The following PRKG1 variants were observed in gnomAD, a reference collection of about 807,000 sequenced individuals.
PRKG1 encodes protein kinase cGMP-dependent 1, also known as cGMP-dependent protein kinase 1.
Under a neutral mutation model 88.1 loss-of-function variants are expected in PRKG1, and 35 were observed. The ratio of observed to expected loss-of-function variants is 0.40; its 90% CI spans 0.30 to 0.53. The LOEUF (loss-of-function observed/expected upper bound fraction) is 0.53, where lower values mean the gene tolerates loss of function less well. Among genes scored for constraint, PRKG1 ranks in the 20% least tolerant of loss-of-function variants. The probability of loss-of-function intolerance (pLI) is 0.59; values close to 1 mark genes in which losing one functional copy is unlikely to be tolerated. For synonymous variants in PRKG1, 303 were observed against 292.5 expected (o/e 1.04, Z -0.37); for missense variants, 540 against 839.8 (o/e 0.64, Z 4.41).
chr10:51,118,599 C>T (rs776707799), intron 1 of PRKG1, among the ~76,000 whole-genome samples: 17 of 152,112 alleles, frequency 1.1e-4, no homozygotes, highest in Non-Finnish European at 2.1e-4. Flanking sequence ...TACACTAACA[C>T]CATGAGATAG....
chr10:51,673,320 G>A (rs1840630102), intron 3 of PRKG1, among the ~76,000 whole-genome samples: 1 of 152,182 alleles, frequency 6.6e-6, no homozygotes, highest in Admixed American at 6.5e-5. Flanking sequence ...AGCCGGGAAA[G>A]GCCAACATGA....
chr10:52,172,076 A>G (rs1202682995), intron 9 of PRKG1, among the ~76,000 whole-genome samples: 1 of 152,112 alleles, frequency 6.6e-6, no homozygotes, highest in Non-Finnish European at 1.5e-5. Flanking sequence ...TGCTGGGATT[A>G]CAGGCGTGAG....
intron 1 of PRKG1, among the ~76,000 whole-genome samples, chr10:51,023,380 T>C (rs1440277381): frequency 3.3e-5 from 5 of 152,214 alleles, no homozygotes; most frequent in Non-Finnish European, 7.3e-5. Context: ...ACAACCCTTA[T>C]GTAAGAGCAT....
chr10:51,394,542 C>T (rs1304968101), intron 2 of PRKG1, among the ~76,000 whole-genome samples: 1 of 152,220 alleles, frequency 6.6e-6, no homozygotes, highest in Non-Finnish European at 1.5e-5. Flanking sequence ...GGGGAATAAA[C>T]TCCAACTCCC....
intron 2 of PRKG1, among the ~76,000 whole-genome samples, chr10:51,373,539 C>T (rs1842745971): frequency 6.6e-6 from 1 of 152,096 alleles, no homozygotes; most frequent in South Asian, 2.1e-4. Flanking sequence ...CAGCCTGTTA[C>T]CTAGATATTA....
intron 6 of PRKG1, among the ~76,000 whole-genome samples, chr10:52,055,187 T>C (rs1301670541): frequency 6.6e-6 from 1 of 152,174 alleles, no homozygotes; most frequent in African/African-American, 2.4e-5. Context: ...CATCAAGTCA[T>C]TAGAAGCAGT....
chr10:51,523,784 A>T (rs1841800208), intron 3 of PRKG1, among the ~76,000 whole-genome samples: 1 of 152,200 alleles, frequency 6.6e-6, no homozygotes, highest in Non-Finnish European at 1.5e-5. Flanking sequence ...TGGAAAATAA[A>T]CACACATAAC....
intron 9 of PRKG1, among the ~76,000 whole-genome samples, chr10:52,227,517 T>TCTA (rs1840417367): frequency 6.6e-6 from 1 of 152,132 alleles, no homozygotes; most frequent in African/African-American, 2.4e-5. Context: ...CTAGAGATAA[T>TCTA]TTAAAGTGTA....
rs149568759 is a variant in PRKG1, at chr10:51,468,527, A to G, written c.592+691A>G. On this transcript the variant is annotated intron_variant, in intron 3 of 17. Coordinates refer to ENST00000373980, the MANE Select transcript of PRKG1 (RefSeq NM_006258.4). ...TTAGAAGGAAAAAGATTTTTTTAAA[A>G]AAAATCTGCTTCCTGAATAAGTATA... Among the ~76,000 whole-genome samples, 758 of 151,938 alleles carry G rather than the reference A, an allele frequency of 5.0e-3. 6 individuals are homozygous for G. The highest frequency in any genetic ancestry group is 0.017 in the African/African-American group (723 of 41,534).
At chr10:52,052,088 TAAA>T (rs1230822602) in intron 5 of PRKG1, among the ~76,000 whole-genome samples, 1 of 152,188 alleles carries the variant, frequency 6.6e-6, no homozygotes, top group African/African-American at 2.4e-5. Flanking sequence ...TAAAATTAAA[TAAA>T]TTTAAAAATT....
intron 2 of PRKG1, among the ~76,000 whole-genome samples, chr10:51,218,165 A>C (rs1026072160): frequency 2.6e-5 from 4 of 152,160 alleles, no homozygotes; most frequent in African/African-American, 9.6e-5. Context: ...TATCTGTTAT[A>C]ACAATGACTA....
chr10:51,895,137 T>TC (rs1483003331), intron 4 of PRKG1, among the ~76,000 whole-genome samples: 3 of 152,174 alleles, frequency 2.0e-5, no homozygotes, highest in Non-Finnish European at 1.5e-5. Flanking sequence ...ATTGAATGAA[T>TC]GGAGAGGTGT....
intron 1 of PRKG1, among the ~76,000 whole-genome samples, chr10:51,078,970 T>C (rs1844038831): frequency 6.6e-6 from 1 of 152,164 alleles, no homozygotes; most frequent in African/African-American, 2.4e-5. Context: ...TCTTTTAAAC[T>C]TTATACTGAT....
chr10:51,970,787 C>T (rs937439340), intron 5 of PRKG1, among the ~76,000 whole-genome samples: 6 of 127,234 alleles, frequency 4.7e-5, no homozygotes, highest in African/African-American at 2.3e-4. Context: ...TCAGATATAT[C>T]AGATTATATA....
chr10:51,466,302 C>T lies in PRKG1; in HGVS notation c.479-1421C>T, dbSNP rs181051010. On this transcript the variant is annotated intron_variant, in intron 2 of 17. Coordinates refer to ENST00000373980, the MANE Select transcript of PRKG1 (RefSeq NM_006258.4). ...AGTCAAGAAGTGAACCATGAGAAAGCTAGAATATTTGGCCGTACCTGTGTA... is the reference window on the plus strand; with the variant it reads ...AGTCAAGAAGTGAACCATGAGAAAGTTAGAATATTTGGCCGTACCTGTGTA... 5.9e-5 allele frequency among the ~76,000 whole-genome samples: 9 copies of T among 152,124 alleles called. No individual in the cohort carries two copies. The East Asian group carries it at 1.7e-3, about 29-fold the overall frequency.
At chr10:51,523,266 AC>A (rs1841784526) in intron 3 of PRKG1, among the ~76,000 whole-genome samples, 1 of 152,176 alleles carries the variant, frequency 6.6e-6, no homozygotes, top group Non-Finnish European at 1.5e-5. Context: ...ACTTGTCAAA[AC>A]AGTGACTTCT....
At chr10:51,706,511 C>A (rs949593509) in intron 3 of PRKG1, among the ~76,000 whole-genome samples, 1 of 150,114 alleles carries the variant, frequency 6.7e-6, no homozygotes, top group South Asian at 2.1e-4. Flanking sequence ...CGAAGTCCAG[C>A]CCAATTTTTT....
chr10:51,822,282 A>C (rs60285660), intron 4 of PRKG1, among the ~76,000 whole-genome samples: 31,751 of 151,850 alleles, frequency 0.21, 5,337 homozygotes, highest in African/African-American at 0.47. Context: ...ATGGATGAGC[A>C]TTGAGGACAT....
At chr10:51,486,556 C>A (rs983698221) in intron 3 of PRKG1, among the ~76,000 whole-genome samples, 1 of 152,040 alleles carries the variant, frequency 6.6e-6, no homozygotes, top group Non-Finnish European at 1.5e-5. Context: ...TTCTTTCTGG[C>A]TTTTGAATGG....
Sources: gnomAD v4.1 joint callset for allele counts (sites outside exome capture counted in the v4.1 genomes callset) on GRCh38, gnomAD v4.1.1 for gene constraint, MANE v1.5 for transcripts, NCBI Gene and HGNC (gene_info 2026-07-23, HGNC 2026-07-21) for gene names.